MDGA2: variants seen among roughly 807,000 people sequenced by gnomAD.
MDGA2 encodes the protein MAM domain-containing glycosylphosphatidylinositol anchor protein 2.
A neutral mutation model predicts 117.8 loss-of-function variants in MDGA2; 40 were observed. The ratio of observed to expected loss-of-function variants is 0.34; its 90% CI spans 0.26 to 0.44. The LOEUF is 0.44. Ranked by LOEUF, MDGA2 falls within the 20% of genes least tolerant of loss-of-function variation. MDGA2 has a pLI of 1.00. For missense variants in MDGA2, 1,123 were observed against 1,250.6 expected (o/e 0.90, Z 1.54); for synonymous variants, 452 against 439.0 (o/e 1.03, Z -0.37).
intron 2 of MDGA2, among the ~76,000 whole-genome samples, chr14:47,224,194 A>G (rs188637143): frequency 7.2e-5 from 11 of 152,254 alleles, no homozygotes; most frequent in African/African-American, 2.6e-4. Flanking sequence ...AGAGTTTAGG[A>G]AATACTTTTC....
At chr14:47,638,586 G>C (rs1418115908) in intron 1 of MDGA2, among the ~76,000 whole-genome samples, 2 of 152,020 alleles carry the variant, frequency 1.3e-5, no homozygotes, top group African/African-American at 4.8e-5. Flanking sequence ...AGTTCTGGTC[G>C]CCTCTTTTTC....
chr14:47,462,823 ACTT>A (rs768305875), intron 1 of MDGA2, among the ~76,000 whole-genome samples: 13 of 152,312 alleles, frequency 8.5e-5, no homozygotes, highest in African/African-American at 1.7e-4. Flanking sequence ...AATTATTTGG[ACTT>A]CTTCTTCATC....
chr14:47,266,627 A>G (rs1183187618), intron 2 of MDGA2, among the ~76,000 whole-genome samples: 7 of 152,192 alleles, frequency 4.6e-5, no homozygotes, highest in Non-Finnish European at 1.0e-4. Flanking sequence ...TCAGCTCTTC[A>G]GGATCTGTTC....
chr14:47,447,211 C>T (rs948758722), intron 1 of MDGA2, among the ~76,000 whole-genome samples: 2 of 152,130 alleles, frequency 1.3e-5, no homozygotes, highest in Admixed American at 6.6e-5. Flanking sequence ...GTAATACTTT[C>T]CCGCATACCC....
chr14:47,624,147 G>A (rs529319764), intron 1 of MDGA2, among the ~76,000 whole-genome samples: 91 of 152,220 alleles, frequency 6.0e-4, no homozygotes, highest in Non-Finnish European at 9.9e-4. Context: ...GAAGGTCCTC[G>A]TTCCTTTTGT....
chr14:46,865,230 T>C (rs1881701376), intron 14 of MDGA2, among the ~76,000 whole-genome samples: 1 of 152,106 alleles, frequency 6.6e-6, no homozygotes, highest in African/African-American at 2.4e-5. Flanking sequence ...TTAAAATCCT[T>C]GAATGCCAGC....
At position 47,093,076 on chromosome 14, in the gene MDGA2, G is replaced by A. The variant is rs192732129; in HGVS notation, c.1195+3778C>T. ...GTGGTCAGAACCTATCTATCAGGCTGGGGTTGGGTTAAGTGGAGAGGTAGG... is the reference window on the plus strand; with the variant it reads ...GTGGTCAGAACCTATCTATCAGGCTAGGGTTGGGTTAAGTGGAGAGGTAGG... On this transcript the variant is annotated intron_variant, in intron 6 of 16. Coordinates refer to ENST00000399232, the MANE Select transcript of MDGA2 (RefSeq NM_001113498.3). Among the ~76,000 whole-genome samples the A allele has an allele frequency of 4.6e-3, 700 of 152,112 alleles. 3 individuals carry two copies. The highest frequency in any genetic ancestry group is 0.016 in the African/African-American group (665 of 41,532).
chr14:47,524,324 C>A (rs1339058849), intron 1 of MDGA2, among the ~76,000 whole-genome samples: 1 of 152,124 alleles, frequency 6.6e-6, no homozygotes, highest in Non-Finnish European at 1.5e-5. Flanking sequence ...TTAATAACAT[C>A]TTTCTTCTAC....
At chr14:47,229,246 T>G (rs1886608104) in intron 2 of MDGA2, among the ~76,000 whole-genome samples, 1 of 152,148 alleles carries the variant, frequency 6.6e-6, no homozygotes, top group South Asian at 2.1e-4. Flanking sequence ...CTAGCTTTTC[T>G]TCCTTATTCT....
chr14:47,528,105 A>G (rs562835623), intron 1 of MDGA2, among the ~76,000 whole-genome samples: 2 of 152,296 alleles, frequency 1.3e-5, no homozygotes, highest in South Asian at 2.1e-4. Flanking sequence ...GCAAGCACAC[A>G]TGAAACTTAA....
At chr14:47,299,972 G>C (rs1889220289) in intron 2 of MDGA2, among the ~76,000 whole-genome samples, 2 of 151,928 alleles carry the variant, frequency 1.3e-5, no homozygotes, top group Non-Finnish European at 2.9e-5. Context: ...TTTACCAACA[G>C]CATGAGTTTT....
rs200687825 is a variant in MDGA2 at position 47,569,798 on chromosome 14, T to TGG, written c.280+104718_280+104719insCC. Among the ~76,000 whole-genome samples the TGG allele has an allele frequency of 1.1e-3, 166 of 152,342 alleles. 3 individuals carry two copies. In the East Asian group the frequency reaches 0.031, roughly 28 times the overall value. Reference sequence around the variant, plus strand: ...ATATTTCAGGTACAGATTATTCATTTGTTGTTTTGTATTCCACTTATGTAC... The same window carrying TGG: ...ATATTTCAGGTACAGATTATTCATTTGGGTTGTTTTGTATTCCACTTATGTAC... On this transcript the variant is annotated intron_variant, in intron 1 of 16. Transcript: ENST00000399232.
chr14:47,370,450 T>A (rs1014809696), intron 1 of MDGA2, among the ~76,000 whole-genome samples: 5 of 146,104 alleles, frequency 3.4e-5, no homozygotes, highest in African/African-American at 1.2e-4. Flanking sequence ...GAATTACTAT[T>A]TTCTAGGTCT....
chr14:47,650,835 A>T (rs1897626547), intron 1 of MDGA2, among the ~76,000 whole-genome samples: 1 of 152,200 alleles, frequency 6.6e-6, no homozygotes, highest in African/African-American at 2.4e-5. Flanking sequence ...GTTTCTTTTG[A>T]ATTGCATGAT....
chr14:47,510,649 T>A (rs549009166), intron 1 of MDGA2, among the ~76,000 whole-genome samples: 1 of 152,340 alleles, frequency 6.6e-6, no homozygotes, highest in African/African-American at 2.4e-5. Flanking sequence ...AAGACTGATA[T>A]CACCTAGGTG....
intron 8 of MDGA2, among the ~76,000 whole-genome samples, chr14:47,022,824 G>A (rs529076213): frequency 6.6e-6 from 1 of 152,272 alleles, no homozygotes; most frequent in East Asian, 1.9e-4. Flanking sequence ...ACTGGAACAT[G>A]AAATATGATC....
chr14:47,032,033 T>G (rs1888681829), intron 8 of MDGA2, among the ~76,000 whole-genome samples: 1 of 152,206 alleles, frequency 6.6e-6, no homozygotes, highest in South Asian at 2.1e-4. Flanking sequence ...ATGCATTTTT[T>G]TGTGTGTTTA....
At chr14:47,280,314 CAAAAAAAAAAA>C (rs1196509408) in intron 2 of MDGA2, among the ~76,000 whole-genome samples, 57 of 35,838 alleles carry the variant, frequency 1.6e-3, no homozygotes, top group East Asian at 3.5e-3. Flanking sequence ...AACTCCATCT[CAAAAAAAAAAA>C]AAAAAAAAAA....
chr14:47,497,047 C>T (rs1354036985), intron 1 of MDGA2, among the ~76,000 whole-genome samples: 1 of 152,048 alleles, frequency 6.6e-6, no homozygotes, highest in Non-Finnish European at 1.5e-5. Flanking sequence ...AATGCTCACT[C>T]ACACGCTGCT....
Sources: allele counts gnomAD v4.1 joint callset (sites outside exome capture counted in the v4.1 genomes callset), GRCh38; gene constraint gnomAD v4.1.1; transcripts MANE v1.5; gene names NCBI Gene and HGNC (gene_info 2026-07-23, HGNC 2026-07-21).